DNAJC3: variants seen among roughly 807,000 people sequenced by gnomAD.
The protein encoded by DNAJC3 is dnaJ homolog subfamily C member 3.
Under a neutral mutation model 68.6 loss-of-function variants are expected in DNAJC3, and 38 were observed. The observed-to-expected ratio is 0.55, with a 90% confidence interval of 0.43 to 0.73. DNAJC3 has a LOEUF of 0.73. Among genes scored for constraint, DNAJC3 ranks in the 30% least tolerant of loss-of-function variants. The pLI, the probability that DNAJC3 is intolerant of heterozygous loss-of-function variation, is 0.00. For synonymous variants in DNAJC3, 203 were observed against 204.0 expected, an observed-to-expected ratio of 1.00 and a Z score of 0.04; for missense variants, 526 against 591.9, an observed-to-expected ratio of 0.89 and a Z score of 1.16.
intron 4 of DNAJC3, among the ~76,000 whole-genome samples, chr13:95,744,038 T>C (rs2139661286): frequency 6.6e-6 from 1 of 152,316 alleles, no homozygotes; most frequent in East Asian, 1.9e-4. Flanking sequence ...GTAATAAACT[T>C]ACAGATTAAT....
chr13:95,750,510 T>A (rs1404482064), intron 4 of DNAJC3, among the ~76,000 whole-genome samples: 2 of 150,722 alleles, frequency 1.3e-5, no homozygotes, highest in Non-Finnish European at 2.9e-5. Context: ...ATATAATTAT[T>A]CAATTTTTTT....
At chr13:95,729,440 T>G (rs1881643391) in intron 4 of DNAJC3, among the ~76,000 whole-genome samples, 1 of 151,564 alleles carries the variant, frequency 6.6e-6, no homozygotes, top group Non-Finnish European at 1.5e-5. Context: ...CTTAACTTTA[T>G]TAATTCATCT....
chr13:95,711,752 T>C (rs900533982), intron 2 of DNAJC3, among the ~76,000 whole-genome samples: 2 of 152,080 alleles, frequency 1.3e-5, no homozygotes, highest in Non-Finnish European at 2.9e-5. Context: ...AATAACAAAT[T>C]TATAATTACA....
chr13:95,781,171 A>G (rs1238074159), intron 9 of DNAJC3, among the ~76,000 whole-genome samples: 3 of 151,846 alleles, frequency 2.0e-5, no homozygotes. Context: ...TGTTTGTTCC[A>G]GGTTTGTTGT....
At chr13:95,730,285 T>C (rs1881669703) in intron 4 of DNAJC3, among the ~76,000 whole-genome samples, 1 of 152,204 alleles carries the variant, frequency 6.6e-6, no homozygotes, top group Non-Finnish European at 1.5e-5. Context: ...TCAGCCACCA[T>C]TCCCAGCCCA....
intron 5 of DNAJC3, among the ~76,000 whole-genome samples, chr13:95,758,075 ACT>A (rs1195071919): frequency 6.6e-6 from 1 of 152,166 alleles, no homozygotes; most frequent in East Asian, 1.9e-4. Flanking sequence ...TGGGAAGAAA[ACT>A]CTAGCGGTTA....
chr13:95,698,248 A>G (rs1880500175), intron 1 of DNAJC3, among the ~76,000 whole-genome samples: 1 of 152,022 alleles, frequency 6.6e-6, no homozygotes, highest in South Asian at 2.1e-4. Context: ...TGTAGGTGGT[A>G]CTTACTGGTA....
chr13:95,771,026 G>C (rs1276026539), intron 9 of DNAJC3, among the ~76,000 whole-genome samples: 1 of 152,102 alleles, frequency 6.6e-6, no homozygotes, highest in Non-Finnish European at 1.5e-5. Context: ...TCACCATACA[G>C]ATACTGAAGT....
chr13:95,745,943 G>T (rs1211193883), intron 4 of DNAJC3, among the ~76,000 whole-genome samples: 1 of 152,212 alleles, frequency 6.6e-6, no homozygotes, highest in Non-Finnish European at 1.5e-5. Context: ...GTGTTGCTGA[G>T]TGGTTTGCAT....
intron 1 of DNAJC3, among the ~76,000 whole-genome samples, chr13:95,679,199 CTTTT>C (rs3086610): frequency 1.1e-3 from 121 of 108,386 alleles, no homozygotes; most frequent in African/African-American, 4.0e-3. Flanking sequence ...AAAATCAGCA[CTTTT>C]TTTTTTTTTT....
At chr13:95,787,686 T>A (rs1417379811) in intron 11 of DNAJC3, among the ~76,000 whole-genome samples, 1 of 151,742 alleles carries the variant, frequency 6.6e-6, no homozygotes, top group Admixed American at 6.6e-5. Flanking sequence ...TTTTTTTTAA[T>A]TTTTATTTTT....
rs749089925 is a variant in DNAJC3 at position 95,725,131 on chromosome 13, A to C, written c.319-47A>C. ...TATTCTTCGTGTTTAAAAAAGATTT[A>C]GAAATCTATAATATTCAAGATAATC... On this transcript the variant is annotated intron_variant, in intron 3 of 11. Transcript: ENST00000602402. The C allele has an allele frequency of 4.2e-5, 54 of 1,297,878 alleles. No homozygotes were observed. The South Asian group carries it at 6.1e-4, about 15-fold the overall frequency. 80.4% of individuals were successfully genotyped at this position (1,297,878 alleles called of 1,614,324 possible). A position where few individuals can be genotyped will look rare whatever the true frequency, so the allele number is the denominator to read the frequency against.
rs1883884413 is a variant in DNAJC3 at position 95,794,076 on chromosome 13, GTAC to G, written c.*3052_*3054del. On this transcript the variant is annotated 3_prime_UTR_variant, in exon 12 of 12. Coordinates refer to ENST00000602402, the MANE Select transcript of DNAJC3 (RefSeq NM_006260.5). ...TTTACTAATGTGAATCAGATGTAAC[GTAC>G]TACTAATTCTACAATGCCTTTCTCT... The G allele has an allele frequency of 6.6e-6, 1 of 152,050 alleles. No homozygotes were observed. The highest frequency in any genetic ancestry group is 2.4e-5 in the African/African-American group (1 of 41,422). The allele number at this position is 152,050 out of a possible 1,614,324, so 9.4% of individuals were successfully genotyped here. A position where few individuals can be genotyped will look rare whatever the true frequency, so the allele number is the denominator to read the frequency against.
Position 95,728,453 on chromosome 13 carries a change from T to C in DNAJC3, c.393+3201T>C, listed in dbSNP as rs567493630. Among the ~76,000 whole-genome samples, 5 of 152,366 alleles carry C rather than the reference T, an allele frequency of 3.3e-5. 1 individual carries two copies. The highest frequency in any genetic ancestry group is 7.2e-5 in the African/African-American group (3 of 41,590). On this transcript the variant is annotated intron_variant, in intron 4 of 11. Transcript: ENST00000602402. ...GTTGAACATCGTTTCCTGTGCTTAT[T>C]TGCCATCTGTAAATCCTTTTCAGTG...
chr13:95,688,929 TG>T lies in DNAJC3; in HGVS notation c.82+11593del, dbSNP rs1566466630. On this transcript the variant is annotated intron_variant, in intron 1 of 11. Transcript: ENST00000602402. ...GACAAAGCCCATTTGATTGTGTGGG[TG>T]TGTGTGTGTGTGTGTGTGTGTGTGT... Among the ~76,000 whole-genome samples, 58 of 14,050 alleles carry T rather than the reference TG, an allele frequency of 4.1e-3. 1 individual carries two copies. Among genetic ancestry groups the T allele is most frequent in the African/African-American group, 6.0e-3 (56 of 9,370 alleles). The allele number at this position is 14,050 out of a possible 152,430, so 9.2% of individuals were successfully genotyped here.
At position 95,791,063 on chromosome 13, in the gene DNAJC3, T is replaced by TA. The variant is rs1555330145; in HGVS notation, c.*36dup. ...GTTTTTCTGCTCTTCTTAATTTTTT[T>TA]AAAGATTAAAAACAAAGAAATCTTG... On this transcript the variant is annotated 3_prime_UTR_variant, in exon 12 of 12. Transcript: ENST00000602402. The TA allele has an allele frequency of 1.9e-6, 3 of 1,598,726 alleles. No homozygotes were observed. The highest frequency in any genetic ancestry group is 2.6e-6 in the Non-Finnish European group (3 of 1,175,296).
Position 95,686,780 on chromosome 13 carries a change from G to T in DNAJC3, c.82+9443G>T, listed in dbSNP as rs545897927. Reference sequence around the variant, plus strand: ...GTACCATGCCATTTTAGTTACTATAGCCTTGTAGTATAATTTGAAGTCAAG... The same window carrying T: ...GTACCATGCCATTTTAGTTACTATATCCTTGTAGTATAATTTGAAGTCAAG... On this transcript the variant is annotated intron_variant, in intron 1 of 11. Transcript: ENST00000602402. Among the ~76,000 whole-genome samples, 13 of 152,302 alleles carry T rather than the reference G, an allele frequency of 8.5e-5. No homozygotes were observed. The South Asian group carries it at 2.7e-3, about 32-fold the overall frequency.
At chr13:95,735,919 T>G (rs939546646) in intron 4 of DNAJC3, among the ~76,000 whole-genome samples, 4 of 152,238 alleles carry the variant, frequency 2.6e-5, no homozygotes, top group Non-Finnish European at 4.4e-5. Context: ...TGAATGGTAA[T>G]GCCTAGGTTT....
intron 1 of DNAJC3, among the ~76,000 whole-genome samples, chr13:95,696,895 A>AC (rs1880455996): frequency 6.6e-6 from 1 of 151,768 alleles, no homozygotes; most frequent in Admixed American, 6.6e-5. Context: ...ACAGGCGCCC[A>AC]CCACCGCGCC....
Sources: gnomAD v4.1 joint callset for allele counts (sites outside exome capture counted in the v4.1 genomes callset) on GRCh38, gnomAD v4.1.1 for gene constraint, MANE v1.5 for transcripts, NCBI Gene and HGNC (gene_info 2026-07-23, HGNC 2026-07-21) for gene names.